The following ABHD12 variants were observed in gnomAD, a reference collection of about 807,000 sequenced individuals.
The protein encoded by ABHD12 is lysophosphatidylserine lipase ABHD12.
In ABHD12, 43 loss-of-function variants were observed where a neutral mutation model predicts 58.3. The observed-to-expected ratio is 0.74, with a 90% CI of 0.58 to 0.95. The LOEUF is 0.95. Among genes scored for constraint, ABHD12 ranks in the 40% least tolerant of loss-of-function variants. ABHD12 has a pLI of 0.00. For synonymous variants in ABHD12, 219 were observed against 211.2 expected, an observed-to-expected ratio of 1.04 and a Z score of -0.32; for missense variants, 539 against 537.2, an observed-to-expected ratio of 1.00 and a Z score of -0.03.
chr20:25,298,348 C>T (rs1431812086), downstream of ABHD12, among the ~76,000 whole-genome samples: 1 of 152,136 alleles, frequency 6.6e-6, no homozygotes, highest in African/African-American at 2.4e-5. Flanking sequence ...TCGCTGCAAC[C>T]TCCGCCTCCT....
intron 6 of ABHD12, among the ~76,000 whole-genome samples, chr20:25,310,815 CAG>C (rs1372333920): frequency 6.6e-6 from 1 of 152,128 alleles, no homozygotes; most frequent in Non-Finnish European, 1.5e-5. Flanking sequence ...GTGAGAGAGA[CAG>C]AGGGACAGTC....
At chr20:25,382,846 C>T (rs919196129) in intron 1 of ABHD12, among the ~76,000 whole-genome samples, 2 of 152,156 alleles carry the variant, frequency 1.3e-5, no homozygotes, top group Non-Finnish European at 2.9e-5. Flanking sequence ...AAGGCAGTGG[C>T]AAAGCACCAA....
intron 1 of ABHD12, 23 bp downstream of exon 1, chr20:25,390,490 C>CGA: frequency 7.5e-7 from 1 of 1,339,592 alleles, no homozygotes. Context: ...CCCCCCCCCC[C>CGA]CCCGCTCCGC....
intron 2 of ABHD12, among the ~76,000 whole-genome samples, chr20:25,325,765 C>T (rs994298449): frequency 3.9e-5 from 6 of 152,030 alleles, no homozygotes; most frequent in African/African-American, 9.7e-5. Context: ...TTTGTTTGAG[C>T]GGCCCTAAGA....
At chr20:25,342,103 C>CAAAAAAAA (rs11476197) in intron 1 of ABHD12, among the ~76,000 whole-genome samples, 6 of 69,804 alleles carry the variant, frequency 8.6e-5, no homozygotes, top group African/African-American at 3.3e-4. Context: ...AACTCTGTCT[C>CAAAAAAAA]AAAAAAAAAA....
chr20:25,363,407 C>T lies in ABHD12; in HGVS notation c.192-24056G>A, dbSNP rs1038577101. ...CTAATTTTTGTATTTTTAGTAGAGA[C>T]GGGGTTTCACCATGTTGGCCAGGAT... On this transcript the variant is annotated intron_variant, in intron 1 of 12. Transcript: ENST00000339157. Among the ~76,000 whole-genome samples, 15 of 151,360 alleles carry T rather than the reference C, an allele frequency of 9.9e-5. 1 individual carries two copies. Among genetic ancestry groups the T allele is most frequent in the South Asian group, 4.2e-4 (2 of 4,768 alleles).
At chr20:25,365,192 T>A (rs187211483) in intron 1 of ABHD12, among the ~76,000 whole-genome samples, 1 of 152,372 alleles carries the variant, frequency 6.6e-6, no homozygotes, top group East Asian at 1.9e-4. Context: ...TATGTTTACA[T>A]AGTTCAAAAA....
At chr20:25,323,784 A>T (rs903212882) in intron 2 of ABHD12, among the ~76,000 whole-genome samples, 1 of 152,110 alleles carries the variant, frequency 6.6e-6, no homozygotes, top group Non-Finnish European at 1.5e-5. Context: ...GGAAGGAAAG[A>T]TCCCCAACAG....
rs770358112 is a variant in ABHD12 at position 25,372,652 on chromosome 20, G to C, written c.191+17861C>G. Among the ~76,000 whole-genome samples the C allele has an allele frequency of 1.6e-4, 25 of 152,166 alleles. 1 individual carries two copies. Among genetic ancestry groups the C allele is most frequent in the African/African-American group, 5.3e-4 (22 of 41,436 alleles). ...TTCTTTCAGTACAGTCATGCAAACT[G>C]CATAATAGCATTTCAGCCAACAGTG... On this transcript the variant is annotated intron_variant, in intron 1 of 12. Coordinates refer to ENST00000339157, the MANE Select transcript of ABHD12 (RefSeq NM_001042472.3).
chr20:25,390,778 CACCCAGA>C lies in ABHD12; in HGVS notation c.-82_-76del, dbSNP rs886056564. On this transcript the variant is annotated 5_prime_UTR_variant, in exon 1 of 13. Coordinates refer to ENST00000339157, the MANE Select transcript of ABHD12 (RefSeq NM_001042472.3). ...CAGTGCCGCCGCTCACAGCCGCCGCCACCCAGAGCCCGGAGCCCGGAACCCGCCGCTC... is the reference window on the plus strand; with the variant it reads ...CAGTGCCGCCGCTCACAGCCGCCGCCGCCCGGAGCCCGGAACCCGCCGCTC... 5.6e-5 allele frequency: 58 copies of C among 1,038,272 alleles called. 1 individual carries two copies. The East Asian group carries it at 1.9e-3, about 34-fold the overall frequency. The allele number at this position is 1,038,272 out of a possible 1,614,324, so 64.3% of individuals were successfully genotyped here. A position where few individuals can be genotyped will look rare whatever the true frequency, so the allele number is the denominator to read the frequency against.
At position 25,362,982 on chromosome 20, in the gene ABHD12, A is replaced by AT. The variant is rs1027518046; in HGVS notation, c.192-23632dup. Reference sequence around the variant, plus strand: ...ACCACTGTGCCCAGCCTTTTACTTGATTTTTTTTTTGGAGTTTTTCAAGTA... The same window carrying AT: ...ACCACTGTGCCCAGCCTTTTACTTGATTTTTTTTTTTGGAGTTTTTCAAGTA... On this transcript the variant is annotated intron_variant, in intron 1 of 12. Transcript: ENST00000339157. Among the ~76,000 whole-genome samples, 477 of 147,676 alleles carry AT rather than the reference A, an allele frequency of 3.2e-3. 2 individuals are homozygous for AT. The highest frequency in any genetic ancestry group is 0.011 in the African/African-American group (442 of 40,310).
At chr20:25,368,003 T>C (rs1025126389) in intron 1 of ABHD12, among the ~76,000 whole-genome samples, 1 of 152,262 alleles carries the variant, frequency 6.6e-6, no homozygotes, top group African/African-American at 2.4e-5. Flanking sequence ...TGTACCATTT[T>C]TATTCCCACT....
chr20:25,323,258 G>T, intron 3 of ABHD12, 67 bp downstream of exon 3: 1 of 964,294 alleles, frequency 1.0e-6, no homozygotes, highest in Non-Finnish European at 1.7e-6. Flanking sequence ...GTCAAAGACA[G>T]CACCAGCTCA....
At chr20:25,313,578 A>AAAAATAAAATAAAAT (rs56792874) in intron 6 of ABHD12, among the ~76,000 whole-genome samples, 10,633 of 131,510 alleles carry the variant, frequency 0.081, 561 homozygotes, top group Middle Eastern at 0.15. Context: ...AATGATCAAT[A>AAAAATAAAATAAAAT]AAAATAAAAT....
At position 25,340,232 on chromosome 20, in the gene ABHD12, TAAC is replaced by T. The variant is rs566675804; in HGVS notation, c.192-884_192-882del. Among the ~76,000 whole-genome samples the T allele has an allele frequency of 5.9e-5, 9 of 152,334 alleles. No homozygotes were observed. In the South Asian group the frequency reaches 8.3e-4, roughly 14 times the overall value. On this transcript the variant is annotated intron_variant, in intron 1 of 12. Coordinates refer to ENST00000339157, the MANE Select transcript of ABHD12 (RefSeq NM_001042472.3). ...AAATGTCTATTAATTCATCTAATAATAACAATCCATTACATGTTGCTATAAACA... is the reference window on the plus strand; with the variant it reads ...AAATGTCTATTAATTCATCTAATAATAATCCATTACATGTTGCTATAAACA...
chr20:25,348,209 C>CA lies in ABHD12; in HGVS notation c.192-8859dup, dbSNP rs1245190310. On this transcript the variant is annotated intron_variant, in intron 1 of 12. Transcript: ENST00000339157. ...TGGGCAACAGAGCAAGACTCTGTCT[C>CA]AAAAAAAAAAAGGAAAAAAGTTCAC... is the stretch of plus-strand genomic sequence containing the variant. Among the ~76,000 whole-genome samples the CA allele has an allele frequency of 6.5e-3, 854 of 130,894 alleles. 4 individuals carry two copies. The highest frequency in any genetic ancestry group is 0.017 in the African/African-American group (589 of 35,376). 85.9% of individuals were successfully genotyped at this position (130,894 alleles called of 152,430 possible). A position where few individuals can be genotyped will look rare whatever the true frequency, so the allele number is the denominator to read the frequency against.
intron 1 of ABHD12, among the ~76,000 whole-genome samples, chr20:25,388,531 A>C (rs187921390): frequency 1.3e-5 from 2 of 152,278 alleles, no homozygotes; most frequent in South Asian, 2.1e-4. Flanking sequence ...GGAAGAGAAG[A>C]AAGCTCAAGG....
chr20:25,301,817 G>A (rs534419905), intron 12 of ABHD12, among the ~76,000 whole-genome samples: 27 of 152,384 alleles, frequency 1.8e-4, no homozygotes, highest in African/African-American at 5.8e-4. Flanking sequence ...GGAGCACCAC[G>A]TCCCTTCAAG....
chr20:25,384,718 C>A (rs2090065967), intron 1 of ABHD12, among the ~76,000 whole-genome samples: 1 of 152,142 alleles, frequency 6.6e-6, no homozygotes, highest in Admixed American at 6.5e-5. Context: ...GCACTCCAGT[C>A]CGGGTGTAGA....
Sources: allele counts gnomAD v4.1 joint callset (sites outside exome capture counted in the v4.1 genomes callset), GRCh38; gene constraint gnomAD v4.1.1; transcripts MANE v1.5; gene names NCBI Gene and HGNC (gene_info 2026-07-23, HGNC 2026-07-21).